Variants in FGD1 observed in about 807,000 individuals in gnomAD.
FGD1 encodes the protein FYVE, RhoGEF and PH domain-containing protein 1.
Under a neutral mutation model 65.0 loss-of-function variants are expected in FGD1, and 12 were observed. The ratio of observed to expected loss-of-function variants is 0.18; its 90% confidence interval spans 0.12 to 0.30. The LOEUF (loss-of-function observed/expected upper bound fraction) is 0.30, where lower values mean the gene tolerates loss of function less well. Ranked by LOEUF, FGD1 falls within the 10% of genes least tolerant of loss-of-function variation. The pLI is 1.00. For synonymous variants in FGD1, 333 were observed against 343.9 expected, an observed-to-expected ratio of 0.97 and a Z score of 0.35; for missense variants, 542 against 837.6, an observed-to-expected ratio of 0.65 and a Z score of 4.36.
chrX:54,450,257 G>C lies in FGD1; in HGVS notation c.2046+14C>G. On this transcript the variant is annotated intron_variant, in intron 13 of 17. Transcript: ENST00000375135. Reference sequence around the variant, plus strand: ...TACTCTTCTAGCCCCCTACCACAGAGCCTTGGATGTTACCTGGACCCAGTC... The same window carrying C: ...TACTCTTCTAGCCCCCTACCACAGACCCTTGGATGTTACCTGGACCCAGTC... 1 of 1,205,643 alleles carries C rather than the reference G, an allele frequency of 8.3e-7. No individual in the cohort carries two copies. The highest frequency in any genetic ancestry group is 1.7e-5 in the African/African-American group (1 of 57,676).
chrX:54,471,007 CAAAA>C lies in FGD1; in HGVS notation c.482-251_482-248del, dbSNP rs58297795. Among the ~76,000 whole-genome samples, 67 of 46,380 alleles carry C rather than the reference CAAAA, an allele frequency of 1.4e-3. 1 individual carries two copies. In the East Asian group the frequency reaches 0.028, roughly 19 times the overall value. The allele number at this position is 46,380 out of a possible 115,157, so 40.3% of individuals were successfully genotyped here. On this transcript the variant is annotated intron_variant, in intron 2 of 17. Coordinates refer to ENST00000375135, the MANE Select transcript of FGD1 (RefSeq NM_004463.3). The stretch of plus-strand genomic sequence containing the variant: ...CTGGTGACAGAGTGAGATTCTGTCT[CAAAA>C]AAAAAAAAAAAAAAAGCTGGATTTG...
rs180854612 is a variant in FGD1, at chrX:54,475,154, C to A, written c.308-3667G>T. Reference sequence around the variant, plus strand: ...CCTCTCCATTCTCTCTGCCTCCTTGCAGGCAGCCCTGCAGGAAGAGGAGGC... The same window carrying A: ...CCTCTCCATTCTCTCTGCCTCCTTGAAGGCAGCCCTGCAGGAAGAGGAGGC... On this transcript the variant is annotated intron_variant, in intron 1 of 17. Coordinates refer to ENST00000375135, the MANE Select transcript of FGD1 (RefSeq NM_004463.3). Among the ~76,000 whole-genome samples, 328 of 112,390 alleles carry A rather than the reference C, an allele frequency of 2.9e-3. 1 individual carries two copies. Among genetic ancestry groups the A allele is most frequent in the African/African-American group, 9.6e-3 (299 of 31,016 alleles).
Position 54,495,506 on chromosome X carries a change from G to GGCCCGGC in FGD1, c.-81_-75dup. ...CTGGGGCGGAGGCGCGGGCGGAGGA[G>GGCCCGGC]GCCCGGCGCCCGGCGGAGCAGCGGC... is the stretch of plus-strand genomic sequence containing the variant. On this transcript the variant is annotated 5_prime_UTR_variant, in exon 1 of 18. Transcript: ENST00000375135. 1.3e-6 allele frequency: 1 copy of GGCCCGGC among 748,970 alleles called. No homozygotes were observed. The highest frequency in any genetic ancestry group is 1.7e-6 in the Non-Finnish European group (1 of 589,448). 61.7% of individuals were successfully genotyped at this position (748,970 alleles called of 1,213,427 possible). A position where few individuals can be genotyped will look rare whatever the true frequency, so the allele number is the denominator to read the frequency against.
At position 54,455,734 on chromosome X, in the gene FGD1, C is replaced by G; in HGVS notation, c.1893G>C (p.Gln631His). 8.4e-7 allele frequency: 1 copy of G among 1,192,309 alleles called. No individual in the cohort carries two copies. Among genetic ancestry groups the G allele is most frequent in the Non-Finnish European group, 1.1e-6 (1 of 884,551 alleles). ...CAATGCGTGCCCGCACGCTAAACTT[C>G]TGGCCAAGGAGCCGCAGCCTGGGCA... Reference protein sequence around the residue: ...YCVPRLRLLGQKFSVRARIDV... With the variant: ...YCVPRLRLLGHKFSVRARIDV... The change falls in exon 11 of 18, where the codon CAG becomes CAC. Residue 631 changes from glutamine to histidine, a missense_variant. Coordinates refer to ENST00000375135, the MANE Select transcript of FGD1 (RefSeq NM_004463.3).
In FGD1 at chrX:54,495,778, C is replaced by T. The variant is rs765206691; in HGVS notation, c.-346G>A. The T allele has an allele frequency of 1.8e-5, 2 of 111,348 alleles. No individual in the cohort carries two copies. The highest frequency in any genetic ancestry group is 3.9e-4 in the South Asian group (1 of 2,559). The allele number at this position is 111,348 out of a possible 1,213,427, so 9.2% of individuals were successfully genotyped here. On this transcript the variant is annotated 5_prime_UTR_variant, in exon 1 of 18. Coordinates refer to ENST00000375135, the MANE Select transcript of FGD1 (RefSeq NM_004463.3). ...CTGCGGTTGGGCGAGGGTTGGAGGG[C>T]TACGCTCGGCGGGGACTCTCCGGTG...
intron 8 of FGD1, among the ~76,000 whole-genome samples, chrX:54,460,147 A>T (rs1187665765): frequency 1.2e-5 from 1 of 82,540 alleles, no homozygotes; most frequent in Non-Finnish European, 2.1e-5. Context: ...TAAAAATAAT[A>T]AAAAAAAATA....
At chrX:54,469,290 T>C (rs867703559) in intron 4 of FGD1, among the ~76,000 whole-genome samples, 1 of 112,278 alleles carries the variant, frequency 8.9e-6, no homozygotes, top group Middle Eastern at 4.6e-3. Context: ...ATCTATTTAA[T>C]GTAGAGGCTG....
chrX:54,486,413 T>TA (rs1169226227), intron 1 of FGD1, among the ~76,000 whole-genome samples: 1 of 110,909 alleles, frequency 9.0e-6, no homozygotes, highest in Non-Finnish European at 1.9e-5. Flanking sequence ...CACGCCCAGC[T>TA]AATTTTGTAT....
chrX:54,445,725 A>T lies in FGD1; in HGVS notation c.*384T>A. ...GGAGGCAGGGCTGGGTCGGGGCCCC[A>T]GGGTCAGTGGCAGAGCTGGCACTTG... On this transcript the variant is annotated 3_prime_UTR_variant, in exon 18 of 18. Transcript: ENST00000375135. 1.3e-5 allele frequency: 2 copies of T among 154,041 alleles called. No individual in the cohort carries two copies. The highest frequency in any genetic ancestry group is 2.4e-5 in the Non-Finnish European group (2 of 83,779). 12.7% of individuals were successfully genotyped at this position (154,041 alleles called of 1,213,427 possible).
intron 12 of FGD1, among the ~76,000 whole-genome samples, chrX:54,452,948 G>A (rs1922415147): frequency 9.0e-6 from 1 of 110,993 alleles, no homozygotes; most frequent in Non-Finnish European, 1.9e-5. Flanking sequence ...GTGGGCATCT[G>A]GGTGCTTGTT....
Position 54,445,786 on chromosome X carries a change from A to C in FGD1, c.*323T>G. ...TCCTACCTCTGGTGCTTTGTGGGGA[A>C]CTGGGTGGAGGCAGGATCTGTGGTA... On this transcript the variant is annotated 3_prime_UTR_variant, in exon 18 of 18. Coordinates refer to ENST00000375135, the MANE Select transcript of FGD1 (RefSeq NM_004463.3). 4 of 215,309 alleles carry C rather than the reference A, an allele frequency of 1.9e-5. No individual in the cohort carries two copies. Among genetic ancestry groups the C allele is most frequent in the Non-Finnish European group, 3.3e-5 (4 of 121,830 alleles). 17.7% of individuals were successfully genotyped at this position (215,309 alleles called of 1,213,427 possible). A position where few individuals can be genotyped will look rare whatever the true frequency, so the allele number is the denominator to read the frequency against.
At chrX:54,488,988 G>A (rs1230944928) in intron 1 of FGD1, among the ~76,000 whole-genome samples, 3 of 111,874 alleles carry the variant, frequency 2.7e-5, no homozygotes, top group Non-Finnish European at 3.8e-5. Context: ...CATAGGACCT[G>A]GCAAAGATTT....
rs746881758 is a variant in FGD1 at position 54,470,261 on chromosome X, C to T, written c.856G>A (p.Asp286Asn). The T allele has an allele frequency of 3.3e-6, 4 of 1,205,601 alleles. No individual in the cohort carries two copies. Among genetic ancestry groups the T allele is most frequent in the Non-Finnish European group, 4.5e-6 (4 of 892,361 alleles). Reference protein sequence around the residue: ...EKVPNRDSGIDSISSPSNSEE... With the variant: ...EKVPNRDSGINSISSPSNSEE... Reference sequence around the variant, plus strand: ...CTGTTGGATGGCGAGCTGATGCTATCAATGCCGCTGTCCCGGTTGGGCACC... The same window carrying T: ...CTGTTGGATGGCGAGCTGATGCTATTAATGCCGCTGTCCCGGTTGGGCACC... The change falls in exon 4 of 18, where the codon GAT becomes AAT. Residue 286 changes from aspartate to asparagine, a missense_variant. Asp to Asn is a conservative substitution (Grantham distance 23, BLOSUM62 1). Transcript: ENST00000375135.
chrX:54,446,990 C>T (rs968140367), intron 17 of FGD1, among the ~76,000 whole-genome samples: 1 of 111,293 alleles, frequency 9.0e-6, no homozygotes, highest in African/African-American at 3.3e-5. Flanking sequence ...TCTCAGAGTG[C>T]TGGGATTACA....
Position 54,445,498 on chromosome X carries a change from AAAC to A in FGD1, c.*608_*610del, listed in dbSNP as rs1446306607. ...AACTGTATTTTTCTTAAAAAAAAAA[AAAC>A]ACACAAAAAAACACAAAAAACTGAG... On this transcript the variant is annotated 3_prime_UTR_variant, in exon 18 of 18. Transcript: ENST00000375135. 4.5e-5 allele frequency: 5 copies of A among 110,176 alleles called. No homozygotes were observed. Among genetic ancestry groups the A allele is most frequent in the African/African-American group, 1.0e-4 (3 of 29,974 alleles). The allele number at this position is 110,176 out of a possible 1,213,427, so 9.1% of individuals were successfully genotyped here.
intron 8 of FGD1, among the ~76,000 whole-genome samples, chrX:54,463,285 A>T (rs1023830599): frequency 1.1e-4 from 12 of 111,101 alleles, no homozygotes; most frequent in African/African-American, 3.9e-4. Flanking sequence ...CCAAAGTCAG[A>T]CTCCTAAGAT....
chrX:54,452,167 T>C (rs1922392123), intron 12 of FGD1, among the ~76,000 whole-genome samples: 1 of 101,691 alleles, frequency 9.8e-6, no homozygotes, highest in Admixed American at 1.1e-4. Context: ...CTTGGGAGGC[T>C]GAGGCAGGAG....
intron 14 of FGD1, 58 bp downstream of exon 14, chrX:54,449,601 G>A (rs1311010650): frequency 5.1e-6 from 4 of 790,796 alleles, no homozygotes; most frequent in Non-Finnish European, 7.6e-6. Context: ...AGGTCAGGTG[G>A]GCATTTGGAA....
At chrX:54,492,447 CCT>C (rs1353776367) in intron 1 of FGD1, among the ~76,000 whole-genome samples, 7 of 111,323 alleles carry the variant, frequency 6.3e-5, no homozygotes, top group African/African-American at 2.0e-4. Context: ...CTCAGGAAAC[CCT>C]CTCTGTCTCT....
Sources: gnomAD v4.1 joint callset for allele counts (sites outside exome capture counted in the v4.1 genomes callset) on GRCh38, gnomAD v4.1.1 for gene constraint, MANE v1.5 for transcripts, NCBI Gene and HGNC (gene_info 2026-07-23, HGNC 2026-07-21) for gene names.